Variants in TLL2 observed in about 807,000 individuals in gnomAD.
The protein encoded by TLL2 is tolloid like 2.
TLL2 carries 106 observed loss-of-function variants against 123.0 expected under a neutral mutation model. The observed-to-expected ratio is 0.86, with a 90% CI of 0.74 to 1.01. The LOEUF is 1.01. Ranked by LOEUF, TLL2 falls within the 50% of genes least tolerant of loss-of-function variation. The pLI is 0.00. For synonymous variants in TLL2, 494 were observed against 516.8 expected, an observed-to-expected ratio of 0.96 and a Z score of 0.60; for missense variants, 1,332 against 1,336.7, an observed-to-expected ratio of 1.00 and a Z score of 0.06.
At chr10:96,406,442 TC>T (rs1020746931) in intron 9 of TLL2, among the ~76,000 whole-genome samples, 11 of 152,092 alleles carry the variant, frequency 7.2e-5, no homozygotes, top group Non-Finnish European at 1.0e-4. Flanking sequence ...CTGACTCTAT[TC>T]GTTTTCCAAC....
At chr10:96,422,525 C>T (rs773819114) in intron 6 of TLL2, 24 bp downstream of exon 6, 1 of 1,613,288 alleles carries the variant, frequency 6.2e-7, no homozygotes, top group Admixed American at 1.7e-5. Context: ...CGGTGCCTTC[C>T]AGACTCCACA....
chr10:96,390,218 C>G (rs1846273912), intron 13 of TLL2, among the ~76,000 whole-genome samples: 1 of 152,236 alleles, frequency 6.6e-6, no homozygotes, highest in Admixed American at 6.5e-5. Flanking sequence ...AAAAATTGTT[C>G]AGAGAAAGTT....
intron 2 of TLL2, among the ~76,000 whole-genome samples, chr10:96,449,558 C>A (rs914328824): frequency 2.0e-5 from 3 of 152,192 alleles, no homozygotes; most frequent in African/African-American, 7.2e-5. Context: ...CTACCGGGGA[C>A]CTACCTGGAG....
Position 96,420,983 on chromosome 10 carries a change from A to T in TLL2, c.896T>A (p.Met299Lys). ...LGETYDFDSI[M>K]HYARNTFSRG... is the part of the protein sequence containing the mutation. ...TGAGAAGGTGTTCCGGGCGTAGTGC[A>T]TGATGCTGTCAAAGTCGTATGTCTC... Residue 299 changes from methionine (M) to lysine (K), a missense_variant, in exon 7 of 21, where the codon ATG becomes AAG. Physicochemically the swap from Met to Lys is moderately conservative, Grantham distance 95 (BLOSUM62 -1). Transcript: ENST00000357947. 6.2e-7 allele frequency: 1 copy of T among 1,614,144 alleles called. No individual in the cohort carries two copies. Among genetic ancestry groups the T allele is most frequent in the Non-Finnish European group, 8.5e-7 (1 of 1,180,000 alleles).
Position 96,395,998 on chromosome 10 carries a change from G to T in TLL2, c.1407C>A (p.Asn469Lys), listed in dbSNP as rs1344178086. The T allele has an allele frequency of 6.2e-7, 1 of 1,614,130 alleles. No individual in the cohort carries two copies. Among genetic ancestry groups the T allele is most frequent in the Admixed American group, 1.7e-5 (1 of 60,016 alleles). The change falls in exon 12 of 21, where the codon AAC becomes AAA. Residue 469 changes from asparagine to lysine, a missense_variant. Transcript: ENST00000357947. ...AYEATCGGDM[N>K]KDAGQIQSPN... is the part of the protein sequence containing the mutation. ...GAGATTGAATCTGACCGGCATCTTT[G>T]TTCATGTCTCCCCCGCAGGTAGCTT...
chr10:96,413,056 T>C (rs1846521951), intron 8 of TLL2, 136 bp downstream of exon 8: 2 of 1,283,866 alleles, frequency 1.6e-6, no homozygotes, highest in Non-Finnish European at 2.1e-6. Flanking sequence ...GCCTAGCACC[T>C]CCTACCAGAA....
chr10:96,465,958 TA>T (rs1361748203), intron 2 of TLL2, among the ~76,000 whole-genome samples: 1 of 152,162 alleles, frequency 6.6e-6, no homozygotes, highest in African/African-American at 2.4e-5. Flanking sequence ...GGCAGTAAAT[TA>T]AAAAGATGTA....
chr10:96,400,020 C>T (rs1056377683), intron 10 of TLL2, among the ~76,000 whole-genome samples: 3 of 152,312 alleles, frequency 2.0e-5, no homozygotes, highest in Middle Eastern at 3.4e-3. Flanking sequence ...AAGCACTCTC[C>T]CCAAATCACT....
chr10:96,453,195 C>T (rs1188219726), intron 2 of TLL2, among the ~76,000 whole-genome samples: 1 of 152,200 alleles, frequency 6.6e-6, no homozygotes, highest in Non-Finnish European at 1.5e-5. Context: ...GTGGCCCACA[C>T]CTGTAATCCC....
chr10:96,497,038 T>C (rs1192961446), intron 1 of TLL2, among the ~76,000 whole-genome samples: 1 of 151,960 alleles, frequency 6.6e-6, no homozygotes, highest in Non-Finnish European at 1.5e-5. Flanking sequence ...CCCAGCACTT[T>C]GGGAGGCCAA....
In TLL2 at chr10:96,386,031, A is replaced by G. The variant is rs771582833; in HGVS notation, c.2013+24T>C. 7.7e-6 allele frequency: 12 copies of G among 1,553,488 alleles called. No individual in the cohort carries two copies. The South Asian group carries it at 1.3e-4, about 16-fold the overall frequency. ...GAGTCACCCCTCAATACAGTCCCCA[A>G]TCAATTAGAGCATGGAGACATACGT... On this transcript the variant is annotated intron_variant, in intron 15 of 20. Transcript: ENST00000357947.
chr10:96,405,921 A>T (rs1846445047), intron 9 of TLL2, among the ~76,000 whole-genome samples: 1 of 152,206 alleles, frequency 6.6e-6, no homozygotes, highest in South Asian at 2.1e-4. Context: ...TAGAAAGATC[A>T]GTAAGACAGG....
At chr10:96,449,883 C>T (rs1006152077) in intron 2 of TLL2, among the ~76,000 whole-genome samples, 6 of 152,200 alleles carry the variant, frequency 3.9e-5, no homozygotes, top group African/African-American at 1.4e-4. Context: ...ACACCACTTC[C>T]TCTGAGTATC....
intron 11 of TLL2, among the ~76,000 whole-genome samples, chr10:96,396,581 CTTTTTTTT>C (rs1177349566): frequency 7.3e-4 from 91 of 125,372 alleles, no homozygotes; most frequent in Non-Finnish European, 1.2e-3. Context: ...TTTCCCCTTT[CTTTTTTTT>C]TTTTTTTTTT....
chr10:96,457,251 AGCCTCCCT>A (rs1306688228), intron 2 of TLL2, among the ~76,000 whole-genome samples: 2 of 152,168 alleles, frequency 1.3e-5, no homozygotes, highest in East Asian at 3.9e-4. Context: ...CAGCTGAACC[AGCCTCCCT>A]GCCTCCTCAG....
chr10:96,470,410 G>A lies in TLL2; in HGVS notation c.286+9939C>T, dbSNP rs562984657. ...TTGTCTGACACCACTGATGTGCCCA[G>A]CCTGATGCTGGAATAAAAGAAGAAA... On this transcript the variant is annotated intron_variant, in intron 2 of 20. Transcript: ENST00000357947. Among the ~76,000 whole-genome samples, 146 of 152,254 alleles carry A rather than the reference G, an allele frequency of 9.6e-4. 2 individuals carry two copies. The highest frequency in any genetic ancestry group is 1.8e-3 in the Non-Finnish European group (120 of 68,048).
intron 7 of TLL2, among the ~76,000 whole-genome samples, chr10:96,415,419 C>T (rs931659575): frequency 2.6e-5 from 4 of 152,024 alleles, no homozygotes; most frequent in Admixed American, 6.5e-5. Flanking sequence ...TGGAGTTTAT[C>T]ATTCCCTGCT....
chr10:96,475,857 C>T (rs115241424), intron 2 of TLL2, among the ~76,000 whole-genome samples: 2,718 of 152,130 alleles, frequency 0.018, 87 homozygotes, highest in African/African-American at 0.063. Flanking sequence ...GGGTCTTTCC[C>T]ATGCTGTTCT....
At chr10:96,440,855 T>G (rs1318721548) in intron 3 of TLL2, among the ~76,000 whole-genome samples, 5 of 152,218 alleles carry the variant, frequency 3.3e-5, no homozygotes, top group Non-Finnish European at 7.3e-5. Context: ...TCTAAACAGA[T>G]GTTCTGCTTA....
Sources: allele counts gnomAD v4.1 joint callset (sites outside exome capture counted in the v4.1 genomes callset), GRCh38; gene constraint gnomAD v4.1.1; transcripts MANE v1.5; gene names NCBI Gene and HGNC (gene_info 2026-07-23, HGNC 2026-07-21).